The following DPYSL2 variants were observed in gnomAD, a reference collection of about 807,000 sequenced individuals.
DPYSL2 encodes dihydropyrimidinase like 2.
DPYSL2 carries 13 observed loss-of-function variants against 69.9 expected under a neutral mutation model. That is an observed-to-expected ratio of 0.19 (90% CI 0.12 to 0.30). The LOEUF is 0.30. Ranked by LOEUF, DPYSL2 falls within the 10% of genes least tolerant of loss-of-function variation. The probability of loss-of-function intolerance (pLI) is 1.00; values close to 1 mark genes in which losing one functional copy is unlikely to be tolerated. For missense variants in DPYSL2, 587 were observed against 918.9 expected (o/e 0.64, Z 4.67); for synonymous variants, 326 against 359.1 (o/e 0.91, Z 1.04).
intron 7 of DPYSL2, among the ~76,000 whole-genome samples, chr8:26,629,039 G>A (rs1169892961): frequency 6.6e-6 from 1 of 152,180 alleles, no homozygotes; most frequent in African/African-American, 2.4e-5. Flanking sequence ...GACTTGAGGG[G>A]AAGGGATGAG....
At position 26,587,163 on chromosome 8, in the gene DPYSL2, G is replaced by A. The variant is rs561692337; in HGVS notation, c.628+3180G>A. 6.6e-6 allele frequency among the ~76,000 whole-genome samples: 1 copy of A among 152,272 alleles called. No individual in the cohort carries two copies. Among genetic ancestry groups the A allele is most frequent in the African/African-American group, 2.4e-5 (1 of 41,562 alleles). Reference sequence around the variant, plus strand: ...GGCTGGGATTTGCTTTACAGAGAAGGAGGCCTTGCAAAGAGAAATAGCTTA... The same window carrying A: ...GGCTGGGATTTGCTTTACAGAGAAGAAGGCCTTGCAAAGAGAAATAGCTTA... On this transcript the variant is annotated intron_variant, in intron 3 of 13. Transcript: ENST00000521913. The surrounding 1 kb of genome is among the most constrained non-coding windows in gnomAD (Gnocchi z 4.2).
chr8:26,615,451 A>G (rs1304009035), intron 3 of DPYSL2, among the ~76,000 whole-genome samples: 1 of 152,142 alleles, frequency 6.6e-6, no homozygotes, highest in African/African-American at 2.4e-5. Context: ...GGGAGGACCG[A>G]CGGGAGAGCT....
chr8:26,558,629 A>T (rs1287328877), intron 1 of DPYSL2, among the ~76,000 whole-genome samples: 1 of 152,248 alleles, frequency 6.6e-6, no homozygotes, highest in Non-Finnish European at 1.5e-5. Context: ...CATCACTTGT[A>T]ACATATGTAT....
rs1240875414 is a variant in DPYSL2 at position 26,650,293 on chromosome 8, T to C, written c.1597-1964T>C. 6.6e-6 allele frequency among the ~76,000 whole-genome samples: 1 copy of C among 152,176 alleles called. No individual in the cohort carries two copies. Among genetic ancestry groups the C allele is most frequent in the East Asian group, 1.9e-4 (1 of 5,178 alleles). ...ACCTGGGGTGTGAACCCAGGGCAGA[T>C]GTCTCCATGGCCGAGGCTGCGCCCA... On this transcript the variant is annotated intron_variant, in intron 11 of 13. Coordinates refer to ENST00000521913, the MANE Select transcript of DPYSL2 (RefSeq NM_001197293.3). The surrounding 1 kb of genome is among the most constrained non-coding windows in gnomAD (Gnocchi z 5.3).
chr8:26,577,784 C>T (rs1436336846), intron 1 of DPYSL2: 1 of 990,484 alleles, frequency 1.0e-6, no homozygotes, highest in African/African-American at 1.7e-5. Flanking sequence ...CCGCATTTCG[C>T]GCTCTCGCGC....
intron 1 of DPYSL2, among the ~76,000 whole-genome samples, chr8:26,520,798 T>C (rs971107475): frequency 2.1e-4 from 32 of 152,208 alleles, no homozygotes; most frequent in Non-Finnish European, 4.7e-4. Flanking sequence ...TTGGGAAGTC[T>C]AAGATCAATA....
At position 26,642,583 on chromosome 8, in the gene DPYSL2, C is replaced by T. The variant is rs1241134834; in HGVS notation, c.1127-856C>T. Among the ~76,000 whole-genome samples the T allele has an allele frequency of 6.6e-6, 1 of 151,974 alleles. No individual in the cohort carries two copies. The highest frequency in any genetic ancestry group is 2.4e-5 in the African/African-American group (1 of 41,372). ...GGGAGGCTCTGTTGGAATGAGCTGGCGAGAGATGATGAGGGCCTGATTTAA... is the reference window on the plus strand; with the variant it reads ...GGGAGGCTCTGTTGGAATGAGCTGGTGAGAGATGATGAGGGCCTGATTTAA... On this transcript the variant is annotated intron_variant, in intron 8 of 13. Coordinates refer to ENST00000521913, the MANE Select transcript of DPYSL2 (RefSeq NM_001197293.3). This position sits in a 1 kb window ranked among gnomAD's most constrained non-coding sequence, Gnocchi z 5.3.
At chr8:26,635,134 G>A (rs977005556) in intron 8 of DPYSL2, among the ~76,000 whole-genome samples, 5 of 152,390 alleles carry the variant, frequency 3.3e-5, no homozygotes, top group Admixed American at 6.5e-5. Flanking sequence ...CCAAGGCGGG[G>A]TGGGCAGGCA....
At chr8:26,527,567 G>A (rs1808500439) in intron 1 of DPYSL2, among the ~76,000 whole-genome samples, 4 of 151,982 alleles carry the variant, frequency 2.6e-5, no homozygotes, top group Admixed American at 2.6e-4. Flanking sequence ...TTATTTTCTG[G>A]TGCAGAGATT....
chr8:26,577,732 G>T lies in DPYSL2; in HGVS notation c.355-4237G>T, dbSNP rs1185077439. 75 of 889,848 alleles carry T rather than the reference G, an allele frequency of 8.4e-5. 1 individual carries two copies. The highest frequency in any genetic ancestry group is 1.9e-5 in the Non-Finnish European group (14 of 743,076). 55.1% of individuals were successfully genotyped at this position (889,848 alleles called of 1,614,324 possible). On this transcript the variant is annotated intron_variant, in intron 1 of 13. Coordinates refer to ENST00000521913, the MANE Select transcript of DPYSL2 (RefSeq NM_001197293.3). Reference sequence around the variant, plus strand: ...AAAGCGCGCGAAAGGCGCGCTCCCAGCGCGGGCGCTCGCGCCGCCTGCCGC... The same window carrying T: ...AAAGCGCGCGAAAGGCGCGCTCCCATCGCGGGCGCTCGCGCCGCCTGCCGC...
At chr8:26,622,947 A>G (rs1166548587) in intron 3 of DPYSL2, among the ~76,000 whole-genome samples, 1 of 152,204 alleles carries the variant, frequency 6.6e-6, no homozygotes, top group East Asian at 1.9e-4. Context: ...AGAATAATTC[A>G]TTGCTTTAAG....
chr8:26,560,845 C>T lies in DPYSL2; in HGVS notation c.355-21124C>T, dbSNP rs1801059101. Among the ~76,000 whole-genome samples the T allele has an allele frequency of 2.0e-5, 3 of 152,136 alleles. No individual in the cohort carries two copies. The South Asian group carries it at 6.2e-4, about 32-fold the overall frequency. On this transcript the variant is annotated intron_variant, in intron 1 of 13. Coordinates refer to ENST00000521913, the MANE Select transcript of DPYSL2 (RefSeq NM_001197293.3). The surrounding 1 kb of genome is among the most constrained non-coding windows in gnomAD (Gnocchi z 4.4). ...CAGCAGTTACAAAGTGCTGGTTCCA[C>T]CCATTTTCCAACCAGAAAGGAAAGA...
intron 3 of DPYSL2, among the ~76,000 whole-genome samples, chr8:26,603,039 G>A (rs1407002086): frequency 1.3e-5 from 2 of 152,120 alleles, no homozygotes; most frequent in East Asian, 3.8e-4. Context: ...AGATGAGTCT[G>A]GTGTATTTTA....
rs1238464112 is a variant in DPYSL2 at position 26,597,261 on chromosome 8, CCTT to C, written c.628+13284_628+13286del. 2.6e-5 allele frequency among the ~76,000 whole-genome samples: 4 copies of C among 152,196 alleles called. No homozygotes were observed. Among genetic ancestry groups the C allele is most frequent in the African/African-American group, 9.6e-5 (4 of 41,452 alleles). On this transcript the variant is annotated intron_variant, in intron 3 of 13. Coordinates refer to ENST00000521913, the MANE Select transcript of DPYSL2 (RefSeq NM_001197293.3). The surrounding 1 kb of genome is among the most constrained non-coding windows in gnomAD (Gnocchi z 5.2). Reference sequence around the variant, plus strand: ...CATGCATTCATCAACTGAACTTAATCCTTCTTCTGGGAGGCCCGGGAGCCTTCT... The same window carrying C: ...CATGCATTCATCAACTGAACTTAATCCTTCTGGGAGGCCCGGGAGCCTTCT...
At position 26,656,500 on chromosome 8, in the gene DPYSL2, A is replaced by T; in HGVS notation, c.*794A>T. 1 of 150,098 alleles carries T rather than the reference A, an allele frequency of 6.7e-6. No homozygotes were observed. The highest frequency in any genetic ancestry group is 1.5e-5 in the Non-Finnish European group (1 of 67,590). 9.3% of individuals were successfully genotyped at this position (150,098 alleles called of 1,614,324 possible). On this transcript the variant is annotated 3_prime_UTR_variant, in exon 14 of 14. Coordinates refer to ENST00000521913, the MANE Select transcript of DPYSL2 (RefSeq NM_001197293.3). Reference sequence around the variant, plus strand: ...CTCTCTTTCTCTCTCTAGCTTTTTAATTCATGAATATTTTCGTGTCTGTCT... The same window carrying T: ...CTCTCTTTCTCTCTCTAGCTTTTTATTTCATGAATATTTTCGTGTCTGTCT...
chr8:26,611,550 G>A (rs1276684071), intron 3 of DPYSL2, among the ~76,000 whole-genome samples: 3 of 152,140 alleles, frequency 2.0e-5, no homozygotes, highest in Non-Finnish European at 4.4e-5. Context: ...CTGGTGGAAG[G>A]GATATGAGGT....
At chr8:26,558,644 C>G (rs182677273) in intron 1 of DPYSL2, among the ~76,000 whole-genome samples, 9 of 152,262 alleles carry the variant, frequency 5.9e-5, no homozygotes, top group African/African-American at 2.2e-4. Flanking sequence ...ATGTATCACA[C>G]TAATGCAAGA....
chr8:26,601,381 G>GT (rs576040988), intron 3 of DPYSL2, among the ~76,000 whole-genome samples: 74 of 147,854 alleles, frequency 5.0e-4, no homozygotes, highest in Middle Eastern at 7.5e-3. Context: ...TTTTGTTTTT[G>GT]TTTTTTTTTG....
chr8:26,530,503 G>A (rs1800489090), intron 1 of DPYSL2, among the ~76,000 whole-genome samples: 1 of 152,212 alleles, frequency 6.6e-6, no homozygotes, highest in African/African-American at 2.4e-5. Context: ...TCCAGGCTTA[G>A]AACCATAGAG....
Sources: allele counts gnomAD v4.1 joint callset (sites outside exome capture counted in the v4.1 genomes callset), GRCh38; gene constraint gnomAD v4.1.1; non-coding constraint Gnocchi (gnomAD v3.1); transcripts MANE v1.5; gene names NCBI Gene and HGNC (gene_info 2026-07-23, HGNC 2026-07-21).